The following PHACTR1 variants were observed in gnomAD, a reference collection of about 807,000 sequenced individuals.
The protein encoded by PHACTR1 is phosphatase and actin regulator 1, also known as RPEL repeat containing 1.
PHACTR1 carries 16 observed loss-of-function variants against 69.2 expected under a neutral mutation model. The observed-to-expected ratio is 0.23, with a 90% CI of 0.16 to 0.35. The LOEUF (loss-of-function observed/expected upper bound fraction) is 0.35, where lower values mean the gene tolerates loss of function less well. Ranked by LOEUF, PHACTR1 falls within the 10% of genes least tolerant of loss-of-function variation. The pLI, the probability that PHACTR1 is intolerant of heterozygous loss-of-function variation, is 1.00. For missense variants in PHACTR1, 510 were observed against 734.7 expected, an observed-to-expected ratio of 0.69 and a Z score of 3.54; for synonymous variants, 312 against 284.5, an observed-to-expected ratio of 1.10 and a Z score of -0.97.
chr6:13,211,209 G>A (rs1766785534), intron 8 of PHACTR1, among the ~76,000 whole-genome samples: 1 of 152,014 alleles, frequency 6.6e-6, no homozygotes, highest in Non-Finnish European at 1.5e-5. Context: ...AGGTTTGGGT[G>A]CACCCATCAC....
intron 4 of PHACTR1, among the ~76,000 whole-genome samples, chr6:12,858,870 T>C (rs1780669248): frequency 6.6e-6 from 1 of 152,008 alleles, no homozygotes; most frequent in South Asian, 2.1e-4. Flanking sequence ...AAACATCAAC[T>C]ATTCATTGAG....
At chr6:13,162,818 AG>A (rs1343751269) in intron 6 of PHACTR1, among the ~76,000 whole-genome samples, 1 of 152,130 alleles carries the variant, frequency 6.6e-6, no homozygotes, top group African/African-American at 2.4e-5. Flanking sequence ...GCTGCTCTCA[AG>A]GAACTCCAGA....
At chr6:13,007,962 A>G (rs972588162) in intron 4 of PHACTR1, among the ~76,000 whole-genome samples, 7 of 152,198 alleles carry the variant, frequency 4.6e-5, no homozygotes, top group Non-Finnish European at 8.8e-5. Context: ...TTCCATTCAA[A>G]GTTTCAGGGA....
chr6:12,880,179 G>C (rs1782941772), intron 4 of PHACTR1, among the ~76,000 whole-genome samples: 1 of 151,742 alleles, frequency 6.6e-6, no homozygotes, highest in African/African-American at 2.4e-5. Flanking sequence ...TTCAGGGACA[G>C]ATTTGGAGAT....
intron 5 of PHACTR1, among the ~76,000 whole-genome samples, chr6:13,131,128 CAT>C (rs1233603016): frequency 6.6e-6 from 1 of 150,608 alleles, no homozygotes; most frequent in Non-Finnish European, 1.5e-5. Flanking sequence ...TCAAAACTAC[CAT>C]ATATATACAT....
rs186088664 is a variant in PHACTR1, at chr6:12,844,422, T to C, written c.250+94632T>C. 1.9e-3 allele frequency among the ~76,000 whole-genome samples: 281 copies of C among 151,482 alleles called. 1 individual carries two copies. Among genetic ancestry groups the C allele is most frequent in the Non-Finnish European group, 2.9e-3 (196 of 67,882 alleles). ...CCGCCCCCAAAAAAACACAAATAAA[T>C]AAATAAAATAAAACATTAACAAGAG... On this transcript the variant is annotated intron_variant, in intron 4 of 14. Coordinates refer to ENST00000332995, the MANE Select transcript of PHACTR1 (RefSeq NM_030948.6).
At chr6:13,171,492 T>C (rs937785576) in intron 6 of PHACTR1, among the ~76,000 whole-genome samples, 2 of 152,240 alleles carry the variant, frequency 1.3e-5, no homozygotes, top group Non-Finnish European at 2.9e-5. Flanking sequence ...CAAGTCTACC[T>C]TGAGCGGTGC....
chr6:13,087,652 C>CTT (rs112624746), intron 5 of PHACTR1, among the ~76,000 whole-genome samples: 12 of 144,966 alleles, frequency 8.3e-5, no homozygotes, highest in African/African-American at 3.0e-4. Context: ...AGCAGGCTTT[C>CTT]TTTTTTTTTT....
intron 5 of PHACTR1, among the ~76,000 whole-genome samples, chr6:13,062,956 C>T (rs1423803888): frequency 6.6e-6 from 1 of 152,164 alleles, no homozygotes; most frequent in East Asian, 1.9e-4. Flanking sequence ...TTTGAGTAGG[C>T]TCTTACGTGC....
intron 4 of PHACTR1, among the ~76,000 whole-genome samples, chr6:12,935,225 T>C (rs1048994192): frequency 3.3e-5 from 5 of 152,130 alleles, no homozygotes; most frequent in African/African-American, 1.2e-4. Context: ...ATGTAACTTA[T>C]ACACTGATGT....
At chr6:12,958,966 C>G (rs1354313430) in intron 4 of PHACTR1, among the ~76,000 whole-genome samples, 1 of 151,960 alleles carries the variant, frequency 6.6e-6, no homozygotes, top group Non-Finnish European at 1.5e-5. Context: ...CACTTGAGGT[C>G]AGGAGTTCAA....
chr6:12,736,011 G>A (rs1459897719), intron 3 of PHACTR1, among the ~76,000 whole-genome samples: 1 of 152,192 alleles, frequency 6.6e-6, no homozygotes, highest in Admixed American at 6.5e-5. Flanking sequence ...GTAGTGGACA[G>A]CTCCATTAAT....
At chr6:12,991,481 G>A (rs183109035) in intron 4 of PHACTR1, among the ~76,000 whole-genome samples, 13 of 152,212 alleles carry the variant, frequency 8.5e-5, no homozygotes, top group African/African-American at 2.9e-4. Context: ...TAAAGAGGCC[G>A]GCAATACAGA....
intron 3 of PHACTR1, among the ~76,000 whole-genome samples, chr6:12,722,606 G>T (rs1459731461): frequency 1.3e-5 from 2 of 152,160 alleles, no homozygotes; most frequent in African/African-American, 2.4e-5. Context: ...AATTCTTTTG[G>T]AATTCCCTGA....
chr6:12,899,179 G>A lies in PHACTR1; in HGVS notation c.250+149389G>A, dbSNP rs182518730. On this transcript the variant is annotated intron_variant, in intron 4 of 14. Coordinates refer to ENST00000332995, the MANE Select transcript of PHACTR1 (RefSeq NM_030948.6). ...GTGGTTTCCCCACTTTAATAGGGCT[G>A]TACCTTCCTTACAGGAGGGGCCAAA... 9.2e-5 allele frequency among the ~76,000 whole-genome samples: 14 copies of A among 152,286 alleles called. No homozygotes were observed. The East Asian group carries it at 2.7e-3, about 29-fold the overall frequency.
rs115774325 is a variant in PHACTR1, at chr6:12,731,316, A to C, written c.103+12469A>C. 2.7e-3 allele frequency among the ~76,000 whole-genome samples: 416 copies of C among 152,192 alleles called. 1 individual carries two copies. Among genetic ancestry groups the C allele is most frequent in the African/African-American group, 9.7e-3 (404 of 41,542 alleles). ...GGTGTGAGCCACCATGCCCGGCCAT[A>C]TTACCTTTTTAAAACCCATGCAGTA... On this transcript the variant is annotated intron_variant, in intron 3 of 14. Coordinates refer to ENST00000332995, the MANE Select transcript of PHACTR1 (RefSeq NM_030948.6).
At chr6:13,187,744 A>G (rs944377039) in intron 7 of PHACTR1, among the ~76,000 whole-genome samples, 2 of 152,240 alleles carry the variant, frequency 1.3e-5, no homozygotes, top group African/African-American at 2.4e-5. Flanking sequence ...CAGCCATGGG[A>G]TACCATTGAG....
chr6:13,092,828 T>C (rs570991026), intron 5 of PHACTR1, among the ~76,000 whole-genome samples: 1 of 152,374 alleles, frequency 6.6e-6, no homozygotes, highest in East Asian at 1.9e-4. Flanking sequence ...TGCTTTGCTA[T>C]AGAACATGGA....
At chr6:12,964,981 C>G (rs115360886) in intron 4 of PHACTR1, among the ~76,000 whole-genome samples, 1 of 152,120 alleles carries the variant, frequency 6.6e-6, no homozygotes, top group Non-Finnish European at 1.5e-5. Flanking sequence ...CCACTACCCC[C>G]GCCATGCTCA....
Sources: gnomAD v4.1 joint callset for allele counts (sites outside exome capture counted in the v4.1 genomes callset) on GRCh38, gnomAD v4.1.1 for gene constraint, MANE v1.5 for transcripts, NCBI Gene and HGNC (gene_info 2026-07-23, HGNC 2026-07-21) for gene names.